CDH13: variants seen among roughly 807,000 people sequenced by gnomAD.
CDH13 encodes the protein cadherin-13.
In CDH13, 24 loss-of-function variants were observed where a neutral mutation model predicts 63.8. That is an observed-to-expected ratio of 0.38 (90% CI 0.27 to 0.53). The LOEUF (loss-of-function observed/expected upper bound fraction) is 0.53. CDH13 is among the 20% of genes least tolerant of loss of function. CDH13 has a pLI of 0.85. For missense variants in CDH13, 1,049 were observed against 903.1 expected (o/e 1.16, Z -2.07); for synonymous variants, 503 against 355.3 (o/e 1.42, Z -4.67).
At chr16:83,351,917 A>G (rs904184817) in intron 6 of CDH13, among the ~76,000 whole-genome samples, 1 of 152,194 alleles carries the variant, frequency 6.6e-6, no homozygotes, top group Admixed American at 6.5e-5. Flanking sequence ...TCCAGATGAC[A>G]CTCAGTATCT....
At chr16:83,095,917 A>G (rs748147994) in intron 3 of CDH13, among the ~76,000 whole-genome samples, 2 of 152,212 alleles carry the variant, frequency 1.3e-5, no homozygotes, top group Non-Finnish European at 2.9e-5. Context: ...GAAAGGCAAT[A>G]TTAATGCCAA....
At chr16:83,282,253 A>G (rs745768876) in intron 5 of CDH13, among the ~76,000 whole-genome samples, 34 of 152,248 alleles carry the variant, frequency 2.2e-4, no homozygotes, top group Non-Finnish European at 3.8e-4. Flanking sequence ...CATAAGAGAC[A>G]TAATAATAAT....
chr16:83,773,310 C>T (rs1914880703), intron 11 of CDH13, among the ~76,000 whole-genome samples: 1 of 152,172 alleles, frequency 6.6e-6, no homozygotes, highest in African/African-American at 2.4e-5. Context: ...CATTCTCATA[C>T]TACTGTATAG....
At chr16:82,948,546 G>A (rs1904975807) in intron 2 of CDH13, among the ~76,000 whole-genome samples, 1 of 152,086 alleles carries the variant, frequency 6.6e-6, no homozygotes. Flanking sequence ...AAAGATCAAA[G>A]GCATAAGAAT....
At chr16:83,524,175 G>A (rs184416656) in intron 7 of CDH13, among the ~76,000 whole-genome samples, 46 of 152,200 alleles carry the variant, frequency 3.0e-4, no homozygotes, top group Admixed American at 2.8e-3. Context: ...GGGTTTGCAC[G>A]ACAACCAAGA....
chr16:83,296,543 T>G (rs763838767), intron 5 of CDH13, among the ~76,000 whole-genome samples: 2 of 152,134 alleles, frequency 1.3e-5, no homozygotes, highest in Admixed American at 6.5e-5. Flanking sequence ...AATGTCTGCC[T>G]CGGAGTGACT....
chr16:82,984,208 C>T (rs1373463303), intron 2 of CDH13, among the ~76,000 whole-genome samples: 1 of 152,224 alleles, frequency 6.6e-6, no homozygotes, highest in Non-Finnish European at 1.5e-5. Context: ...AACCTTCTTT[C>T]CCTTGCAATT....
chr16:83,250,458 G>C (rs1286470119), intron 5 of CDH13, among the ~76,000 whole-genome samples: 6 of 152,156 alleles, frequency 3.9e-5, no homozygotes, highest in African/African-American at 7.2e-5. Flanking sequence ...CCTAGGGAAA[G>C]GAAGTGATAG....
intron 10 of CDH13, among the ~76,000 whole-genome samples, chr16:83,742,048 G>A (rs745511409): frequency 1.3e-5 from 2 of 152,190 alleles, no homozygotes; most frequent in South Asian, 2.1e-4. Flanking sequence ...CACAGAAAGC[G>A]AGTGACCCCA....
intron 7 of CDH13, among the ~76,000 whole-genome samples, chr16:83,502,510 A>T (rs985260845): frequency 6.6e-6 from 1 of 152,198 alleles, no homozygotes; most frequent in African/African-American, 2.4e-5. Context: ...ATAAAGTCAC[A>T]TGGTTAAGTC....
At chr16:82,922,159 C>G (rs570918627) in intron 2 of CDH13, among the ~76,000 whole-genome samples, 1 of 152,156 alleles carries the variant, frequency 6.6e-6, no homozygotes, top group East Asian at 1.9e-4. Flanking sequence ...TCTCTTTTAT[C>G]TTGGTTAGTT....
chr16:82,653,053 G>C (rs779603851), intron 1 of CDH13, among the ~76,000 whole-genome samples: 1 of 152,220 alleles, frequency 6.6e-6, no homozygotes, highest in African/African-American at 2.4e-5. Flanking sequence ...AGGGTAAACA[G>C]ACAAGGCAGT....
At chr16:82,795,420 G>C (rs1567543355) in intron 1 of CDH13, among the ~76,000 whole-genome samples, 1 of 152,168 alleles carries the variant, frequency 6.6e-6, no homozygotes, top group Non-Finnish European at 1.5e-5. Context: ...GCATCAACCT[G>C]GGCCCGGAGG....
At chr16:82,665,454 C>G (rs56120431) in intron 1 of CDH13, among the ~76,000 whole-genome samples, 35,764 of 152,072 alleles carry the variant, frequency 0.24, 4,236 homozygotes, top group East Asian at 0.35. Flanking sequence ...GAACCTAACC[C>G]TGCATTTCTA....
intron 4 of CDH13, among the ~76,000 whole-genome samples, chr16:83,169,753 T>C (rs1272619048): frequency 6.6e-6 from 1 of 152,112 alleles, no homozygotes; most frequent in Admixed American, 6.6e-5. Flanking sequence ...TAATTGGATT[T>C]GATGTTTTGA....
chr16:83,632,561 G>T (rs1385454533), intron 8 of CDH13, among the ~76,000 whole-genome samples: 1 of 151,642 alleles, frequency 6.6e-6, no homozygotes, highest in Non-Finnish European at 1.5e-5. Context: ...AATGCACCCA[G>T]GTTACAGCAG....
chr16:83,692,458 T>C (rs888208818), intron 10 of CDH13, among the ~76,000 whole-genome samples: 3 of 152,228 alleles, frequency 2.0e-5, no homozygotes, highest in African/African-American at 7.2e-5. Context: ...ATCCACCTGT[T>C]GCACGGGTTG....
At chr16:83,764,230 C>A (rs1437569092) in intron 11 of CDH13, among the ~76,000 whole-genome samples, 1 of 152,060 alleles carries the variant, frequency 6.6e-6, no homozygotes, top group African/African-American at 2.4e-5. Flanking sequence ...GAGCATTTTT[C>A]TAGGGAATGG....
intron 2 of CDH13, among the ~76,000 whole-genome samples, chr16:83,001,972 C>G (rs1268355084): frequency 6.6e-6 from 1 of 152,172 alleles, no homozygotes; most frequent in Non-Finnish European, 1.5e-5. Flanking sequence ...CTTAAAAGTT[C>G]CAACCACATT....
Sources: allele counts gnomAD v4.1 joint callset (sites outside exome capture counted in the v4.1 genomes callset), GRCh38; gene constraint gnomAD v4.1.1; transcripts MANE v1.5; gene names NCBI Gene and HGNC (gene_info 2026-07-23, HGNC 2026-07-21).